LPAR1: variants seen among roughly 807,000 people sequenced by gnomAD.
The protein encoded by LPAR1 is LPA receptor 1.
A neutral mutation model predicts 23.8 loss-of-function variants in LPAR1; 5 were observed. The observed-to-expected ratio is 0.21, with a 90% CI of 0.11 to 0.44. The LOEUF (loss-of-function observed/expected upper bound fraction) is 0.44. LPAR1 is among the 20% of genes least tolerant of loss of function. The pLI is 0.99. For missense variants in LPAR1, 311 were observed against 482.8 expected, an observed-to-expected ratio of 0.64 and a Z score of 3.33; for synonymous variants, 160 against 164.7, an observed-to-expected ratio of 0.97 and a Z score of 0.22.
chr9:110,940,139 G>T (rs1450122608), intron 5 of LPAR1, among the ~76,000 whole-genome samples: 3 of 152,168 alleles, frequency 2.0e-5, no homozygotes, highest in Non-Finnish European at 4.4e-5. Context: ...AGTTAGTTAG[G>T]CAGGGTTTTA....
At chr9:110,880,083 C>G (rs573900) in intron 5 of LPAR1, among the ~76,000 whole-genome samples, 4,728 of 152,048 alleles carry the variant, frequency 0.031, 97 homozygotes, top group African/African-American at 0.047. Flanking sequence ...TCTCACAGCA[C>G]GCTGAACAAA....
At chr9:111,027,969 C>T (rs2097726723) in intron 2 of LPAR1, among the ~76,000 whole-genome samples, 1 of 147,810 alleles carries the variant, frequency 6.8e-6, no homozygotes, top group Non-Finnish European at 1.5e-5. Flanking sequence ...ATCAGTCACA[C>T]ACACATTAAA....
intron 5 of LPAR1, among the ~76,000 whole-genome samples, chr9:110,936,381 C>T (rs1311176368): frequency 6.6e-6 from 1 of 152,222 alleles, no homozygotes. Context: ...TTCGTCACCA[C>T]TGGTGACAGT....
At chr9:110,894,522 A>T (rs2085617932) in intron 5 of LPAR1, among the ~76,000 whole-genome samples, 1 of 152,158 alleles carries the variant, frequency 6.6e-6, no homozygotes, top group Non-Finnish European at 1.5e-5. Context: ...CCTCCAAGAA[A>T]TGTGGATATT....
chr9:110,944,659 G>A (rs577517156), intron 4 of LPAR1, among the ~76,000 whole-genome samples: 1 of 152,128 alleles, frequency 6.6e-6, no homozygotes, highest in South Asian at 2.1e-4. Context: ...AGTTAAGGAT[G>A]GCAAAATTAA....
intron 4 of LPAR1, among the ~76,000 whole-genome samples, chr9:110,947,328 A>G (rs1246315047): frequency 6.6e-6 from 1 of 152,236 alleles, no homozygotes; most frequent in Non-Finnish European, 1.5e-5. Context: ...AAACAAAAAC[A>G]TAAATAAGAT....
chr9:110,963,994 T>C (rs1036003112), intron 4 of LPAR1, among the ~76,000 whole-genome samples: 2 of 152,254 alleles, frequency 1.3e-5, no homozygotes, highest in African/African-American at 4.8e-5. Flanking sequence ...ACATACTTCA[T>C]ACTGCAATTA....
chr9:111,034,567 T>A (rs533211142), intron 2 of LPAR1, among the ~76,000 whole-genome samples: 77 of 152,230 alleles, frequency 5.1e-4, no homozygotes, highest in African/African-American at 1.5e-3. Context: ...TTGCGGAGAG[T>A]AGGGAGGAAG....
intron 2 of LPAR1, among the ~76,000 whole-genome samples, chr9:111,000,379 G>C (rs1239684570): frequency 6.6e-6 from 1 of 152,154 alleles, no homozygotes; most frequent in African/African-American, 2.4e-5. Flanking sequence ...GGAAACAACA[G>C]GCTCCACTTT....
chr9:110,950,913 A>G (rs1456186082), intron 4 of LPAR1, among the ~76,000 whole-genome samples: 1 of 152,198 alleles, frequency 6.6e-6, no homozygotes, highest in Non-Finnish European at 1.5e-5. Flanking sequence ...ACAAAAGAAC[A>G]ACAATACCCA....
intron 5 of LPAR1, among the ~76,000 whole-genome samples, chr9:110,932,739 G>A (rs1401708966): frequency 6.6e-6 from 1 of 152,218 alleles, no homozygotes; most frequent in African/African-American, 2.4e-5. Context: ...CAGATGTGAG[G>A]GATCTAGATT....
chr9:111,036,733 T>C (rs1452447992), intron 1 of LPAR1, among the ~76,000 whole-genome samples: 1 of 152,194 alleles, frequency 6.6e-6, no homozygotes, highest in Non-Finnish European at 1.5e-5. Context: ...GCCCGTGCCT[T>C]CCTGCCTCAA....
At chr9:110,905,352 T>A (rs75154585) in intron 5 of LPAR1, among the ~76,000 whole-genome samples, 1,477 of 138,466 alleles carry the variant, frequency 0.011, 16 homozygotes, top group African/African-American at 0.035. Context: ...TTTTATTATT[T>A]TTTTTTTTTT....
intron 4 of LPAR1, among the ~76,000 whole-genome samples, chr9:110,959,170 CAA>C (rs1186318362): frequency 1.2e-5 from 1 of 81,178 alleles, no homozygotes; most frequent in Non-Finnish European, 2.3e-5. Flanking sequence ...GATGTCTCTA[CAA>C]AAAAAAAAAA....
chr9:111,008,595 A>G (rs1703204675), intron 2 of LPAR1, among the ~76,000 whole-genome samples: 1 of 152,192 alleles, frequency 6.6e-6, no homozygotes, highest in African/African-American at 2.4e-5. Flanking sequence ...TACCCTTAAC[A>G]GCTGAACTAA....
chr9:111,038,499 G>A (rs1216682055), upstream of LPAR1: 2 of 403,322 alleles, frequency 5.0e-6, no homozygotes, highest in South Asian at 1.7e-5. The surrounding 1 kb of genome is among the most constrained non-coding windows in gnomAD (Gnocchi z 4.4). Context: ...GGCAGGAGGA[G>A]GGGGCGCAGA....
At chr9:110,892,071 C>A (rs1381789879) in intron 5 of LPAR1, among the ~76,000 whole-genome samples, 1 of 152,158 alleles carries the variant, frequency 6.6e-6, no homozygotes, top group African/African-American at 2.4e-5. Flanking sequence ...TATGTCCACA[C>A]AAAGATGTGT....
chr9:110,909,203 C>A (rs2091972558), intron 5 of LPAR1, among the ~76,000 whole-genome samples: 1 of 152,216 alleles, frequency 6.6e-6, no homozygotes, highest in South Asian at 2.1e-4. Flanking sequence ...TCCTCAGCTG[C>A]AGCACCCAAG....
At position 110,917,166 on chromosome 9, in the gene LPAR1, C is replaced by T. The variant is rs867048906; in HGVS notation, c.793+24255G>A. Among the ~76,000 whole-genome samples the T allele has an allele frequency of 8.3e-5, 12 of 144,534 alleles. No individual in the cohort carries two copies. In the East Asian group the frequency reaches 2.1e-3, roughly 25 times the overall value. 94.8% of individuals were successfully genotyped at this position (144,534 alleles called of 152,430 possible). A position where few individuals can be genotyped will look rare whatever the true frequency, so the allele number is the denominator to read the frequency against. ...CAGCCTGGCTAACAAAGTGCAACCTCGTCTCTACTAAAAATACAAAAAAAA... is the reference window on the plus strand; with the variant it reads ...CAGCCTGGCTAACAAAGTGCAACCTTGTCTCTACTAAAAATACAAAAAAAA... On this transcript the variant is annotated intron_variant, in intron 5 of 5. Coordinates refer to ENST00000683809, the MANE Select transcript of LPAR1 (RefSeq NM_001351411.2).
Sources: allele counts gnomAD v4.1 joint callset (sites outside exome capture counted in the v4.1 genomes callset), GRCh38; gene constraint gnomAD v4.1.1; non-coding constraint Gnocchi (gnomAD v3.1); transcripts MANE v1.5; gene names NCBI Gene and HGNC (gene_info 2026-07-23, HGNC 2026-07-21).